The following XRN1 variants were observed in gnomAD, a reference collection of about 807,000 sequenced individuals.
The protein encoded by XRN1 is 5'-3' exoribonuclease 1, also known as strand-exchange protein 1 homolog.
XRN1 carries 67 observed loss-of-function variants against 222.3 expected under a neutral mutation model. The observed-to-expected ratio is 0.30, with a 90% CI of 0.25 to 0.37. XRN1 has a LOEUF of 0.37. Among genes scored for constraint, XRN1 ranks in the 10% least tolerant of loss-of-function variants. The pLI is 1.00. For synonymous variants in XRN1, 643 were observed against 652.4 expected, an observed-to-expected ratio of 0.99 and a Z score of 0.22; for missense variants, 1,707 against 2,000.2, an observed-to-expected ratio of 0.85 and a Z score of 2.80.
intron 39 of XRN1, among the ~76,000 whole-genome samples, chr3:142,315,021 G>A (rs899797588): frequency 8.3e-6 from 1 of 119,904 alleles, no homozygotes; most frequent in African/African-American, 3.2e-5. Flanking sequence ...TGCAGCCTCC[G>A]CCTCACAGGC....
At chr3:142,411,699 T>G (rs537723225) in intron 15 of XRN1, among the ~76,000 whole-genome samples, 1 of 152,344 alleles carries the variant, frequency 6.6e-6, no homozygotes, top group South Asian at 2.1e-4. Context: ...TCATAGGCTA[T>G]TTAGAAGTGT....
intron 37 of XRN1, among the ~76,000 whole-genome samples, chr3:142,324,645 G>A (rs1165209139): frequency 6.6e-6 from 1 of 151,704 alleles, no homozygotes; most frequent in Non-Finnish European, 1.5e-5. Flanking sequence ...GGTATTTCTA[G>A]TTCTAGATCC....
chr3:142,371,180 T>G, intron 26 of XRN1, 59 bp downstream of exon 26: 1 of 1,350,092 alleles, frequency 7.4e-7, no homozygotes, highest in Non-Finnish European at 1.0e-6. Flanking sequence ...CCAGCTGCAG[T>G]TGTCATTGAA....
At chr3:142,384,799 T>A in intron 20 of XRN1, 114 bp from the exon 21 acceptor site, 1 of 805,826 alleles carries the variant, frequency 1.2e-6, no homozygotes. Flanking sequence ...GTAAATAAAC[T>A]TTAAATAAAT....
intron 23 of XRN1, among the ~76,000 whole-genome samples, chr3:142,377,914 A>G (rs1056811538): frequency 2.0e-5 from 3 of 152,214 alleles, no homozygotes; most frequent in African/African-American, 7.2e-5. Flanking sequence ...TCCTGGTTTC[A>G]TGACTGCTGT....
At position 142,311,633 on chromosome 3, in the gene XRN1, G is replaced by A. The variant is rs78926178; in HGVS notation, c.4963C>T (p.Gln1655Ter). The A allele has an allele frequency of 5.0e-6, 8 of 1,614,038 alleles. No individual in the cohort carries two copies. The Admixed American group carries it at 8.3e-5, about 17-fold the overall frequency. ...SPIAQPASSF[Q>*]VETASQGHSI... ...TGGCCTTGAGAGGCAGTTTCAACTT[G>A]AAAAGAAGATGCAGGTTGAGCAATC... Residue 1655 changes from glutamine (Q) to a stop codon, truncating the protein, a stop_gained, in exon 41 of 41, where the codon CAA becomes TAA. Transcript: ENST00000392981. LOFTEE classifies it high-confidence loss of function.
At chr3:142,438,934 C>G (rs1338011185) in intron 1 of XRN1, among the ~76,000 whole-genome samples, 3 of 148,038 alleles carry the variant, frequency 2.0e-5, no homozygotes. Context: ...CCCCAACTAA[C>G]AAGGACCCCC....
At chr3:142,386,722 G>A (rs1018111741) in intron 20 of XRN1, among the ~76,000 whole-genome samples, 2 of 152,042 alleles carry the variant, frequency 1.3e-5, no homozygotes, top group Admixed American at 1.3e-4. Flanking sequence ...TATTCAAATG[G>A]CCAACAAACA....
chr3:142,375,974 G>GCGTGCA lies in XRN1; in HGVS notation c.2832-31_2832-30insTGCACG. On this transcript the variant is annotated intron_variant, in intron 24 of 40. Coordinates refer to ENST00000392981, the MANE Select transcript of XRN1 (RefSeq NM_001282857.2). ...ATTTAAACCACACATGCGCACACGT[G>GCGTGCA]CACACACACACACACACACACACAC... 18 of 1,447,362 alleles carry GCGTGCA rather than the reference G, an allele frequency of 1.2e-5. No individual in the cohort carries two copies. In the Middle Eastern group the frequency reaches 7.6e-4, roughly 61 times the overall value. The allele number at this position is 1,447,362 out of a possible 1,614,324, so 89.7% of individuals were successfully genotyped here.
intron 2 of XRN1, among the ~76,000 whole-genome samples, chr3:142,429,200 T>G (rs1450262933): frequency 6.9e-6 from 1 of 144,364 alleles, no homozygotes; most frequent in Non-Finnish European, 1.5e-5. Context: ...CAGGCTGGAG[T>G]GCAGTGGTGT....
chr3:142,433,846 C>T (rs576026656), intron 1 of XRN1, among the ~76,000 whole-genome samples: 96 of 152,236 alleles, frequency 6.3e-4, no homozygotes, highest in African/African-American at 2.3e-3. Context: ...GTACAAGTAA[C>T]AATATATTTT....
intron 29 of XRN1, among the ~76,000 whole-genome samples, chr3:142,363,233 T>C (rs1240282695): frequency 6.6e-6 from 1 of 151,928 alleles, no homozygotes; most frequent in Non-Finnish European, 1.5e-5. Context: ...AGGTAAGGAG[T>C]TGTGGATTTT....
chr3:142,397,575 C>T, intron 19 of XRN1, 115 bp from the exon 20 acceptor site: 1 of 701,588 alleles, frequency 1.4e-6, no homozygotes, highest in Non-Finnish European at 2.1e-6. Context: ...TAGCAAAAAA[C>T]CCCACAACTG....
chr3:142,372,886 T>A (rs1488962984), intron 25 of XRN1, among the ~76,000 whole-genome samples: 1 of 152,216 alleles, frequency 6.6e-6, no homozygotes, highest in Non-Finnish European at 1.5e-5. Flanking sequence ...AACATGCAGG[T>A]AGTGATACTA....
intron 33 of XRN1, among the ~76,000 whole-genome samples, chr3:142,336,811 T>C (rs903230610): frequency 4.6e-5 from 7 of 152,228 alleles, no homozygotes; most frequent in Non-Finnish European, 8.8e-5. Context: ...CATACATTTA[T>C]GTAAATATTA....
intron 32 of XRN1, among the ~76,000 whole-genome samples, 193 bp from the exon 33 acceptor site, chr3:142,347,535 C>G (rs2066180019): frequency 6.6e-6 from 1 of 151,990 alleles, no homozygotes; most frequent in African/African-American, 2.4e-5. Context: ...GATCATCACT[C>G]TAGATATTTT....
At chr3:142,368,006 CTG>C (rs2066871753) in intron 27 of XRN1, among the ~76,000 whole-genome samples, 1 of 150,444 alleles carries the variant, frequency 6.6e-6, no homozygotes, top group African/African-American at 2.4e-5. Flanking sequence ...AAGAAAACTC[CTG>C]TCTTATCTAT....
intron 1 of XRN1, chr3:142,434,925 A>C (rs760619984): frequency 1.3e-5 from 2 of 152,170 alleles, no homozygotes; most frequent in Admixed American, 6.5e-5. Flanking sequence ...GAAATGTAAC[A>C]AAAAAATTAC....
chr3:142,361,269 G>A (rs1047517965), intron 29 of XRN1, among the ~76,000 whole-genome samples: 7 of 152,140 alleles, frequency 4.6e-5, no homozygotes, highest in African/African-American at 1.7e-4. Flanking sequence ...CCAAGAATTT[G>A]TTTATCCATT....
Sources: allele counts gnomAD v4.1 joint callset (sites outside exome capture counted in the v4.1 genomes callset), GRCh38; gene constraint gnomAD v4.1.1; transcripts MANE v1.5; gene names NCBI Gene and HGNC (gene_info 2026-07-23, HGNC 2026-07-21).